ANKRD42: variants seen among roughly 807,000 people sequenced by gnomAD.
ANKRD42 encodes the protein ankyrin repeat domain 42, also known as ankyrin repeat domain-containing protein 42.
In ANKRD42, 43 loss-of-function variants were observed where a neutral mutation model predicts 51.5. That is an observed-to-expected ratio of 0.83 (90% confidence interval 0.65 to 1.08). The LOEUF is 1.08. Ranked by LOEUF, ANKRD42 falls within the 50% of genes least tolerant of loss-of-function variation. ANKRD42 has a pLI of 0.00. For synonymous variants in ANKRD42, 203 were observed against 213.0 expected (o/e 0.95, Z 0.41); for missense variants, 608 against 629.3 (o/e 0.97, Z 0.36).
At chr11:83,222,441 A>G (rs901953569) in intron 5 of ANKRD42, among the ~76,000 whole-genome samples, 26 of 152,178 alleles carry the variant, frequency 1.7e-4, no homozygotes, top group African/African-American at 6.3e-4. Flanking sequence ...AATATATATT[A>G]TATAGGGATA....
intron 5 of ANKRD42, among the ~76,000 whole-genome samples, chr11:83,221,785 A>G (rs778175264): frequency 2.6e-5 from 4 of 151,954 alleles, no homozygotes; most frequent in Non-Finnish European, 5.9e-5. Context: ...CTGAACAGCC[A>G]CTCTGATTTG....
chr11:83,194,834 C>T (rs939525983), intron 1 of ANKRD42, 106 bp downstream of exon 1: 119 of 1,137,092 alleles, frequency 1.0e-4, no homozygotes, highest in Middle Eastern at 4.4e-4. Flanking sequence ...AGCCGTCACT[C>T]CCCCCTTTCC....
At chr11:83,195,196 T>C (rs1170629095) in intron 1 of ANKRD42, among the ~76,000 whole-genome samples, 3 of 152,242 alleles carry the variant, frequency 2.0e-5, no homozygotes, top group Non-Finnish European at 4.4e-5. Flanking sequence ...TCATTTACTG[T>C]GACTTCAGTC....
At chr11:83,209,343 TG>T in intron 3 of ANKRD42, 2 of 1,195,634 alleles carry the variant, frequency 1.7e-6, no homozygotes, top group Non-Finnish European at 2.4e-6. Context: ...TGCGTGCTGC[TG>T]GGAGTTGCTT....
At chr11:83,254,648 T>G (rs1345514794) in intron 11 of ANKRD42, among the ~76,000 whole-genome samples, 1 of 152,066 alleles carries the variant, frequency 6.6e-6, no homozygotes, top group Non-Finnish European at 1.5e-5. Context: ...CTTGAACTCC[T>G]GACCTCAAGT....
downstream of ANKRD42, chr11:83,262,043 T>G (rs1445299921): frequency 5.0e-6 from 5 of 1,004,044 alleles, no homozygotes; most frequent in Non-Finnish European, 7.3e-6. Context: ...AATGTTATCT[T>G]TAAGTGAAGA....
intron 9 of ANKRD42, among the ~76,000 whole-genome samples, chr11:83,245,103 C>G (rs1863503782): frequency 6.6e-6 from 1 of 152,156 alleles, no homozygotes; most frequent in Admixed American, 6.5e-5. Context: ...GGGGTTTCAC[C>G]ATGTTGGCCA....
chr11:83,216,514 C>T (rs367809360), intron 5 of ANKRD42, among the ~76,000 whole-genome samples: 23 of 151,740 alleles, frequency 1.5e-4, no homozygotes, highest in Non-Finnish European at 2.1e-4. Context: ...TTAGTAGAGA[C>T]GGGGTTTCAC....
At chr11:83,219,818 T>G (rs555512672) in intron 5 of ANKRD42, among the ~76,000 whole-genome samples, 1 of 152,346 alleles carries the variant, frequency 6.6e-6, no homozygotes, top group South Asian at 2.1e-4. Context: ...TAAATTGTCC[T>G]GATGTGGGGG....
Position 83,194,443 on chromosome 11 carries a change from G to A in ANKRD42, c.-228G>A. On this transcript the variant is annotated 5_prime_UTR_variant, in exon 1 of 11. Coordinates refer to ENST00000533342, the MANE Select transcript of ANKRD42 (RefSeq NM_001300975.2). The stretch of plus-strand genomic sequence containing the variant: ...CGACTCCTCTGGTGTGAGCGGCAGT[G>A]AAGACGCCAGCTACCGCTTCAGTGG... 1 of 695,454 alleles carries A rather than the reference G, an allele frequency of 1.4e-6. No homozygotes were observed. Among genetic ancestry groups the A allele is most frequent in the Admixed American group, 2.0e-5 (1 of 49,692 alleles). 43.1% of individuals were successfully genotyped at this position (695,454 alleles called of 1,614,324 possible).
chr11:83,231,786 T>C (rs1442335675), intron 7 of ANKRD42, among the ~76,000 whole-genome samples: 1 of 152,192 alleles, frequency 6.6e-6, no homozygotes, highest in African/African-American at 2.4e-5. Flanking sequence ...TCCAGTTTTT[T>C]CCAGCACCAT....
Position 83,245,517 on chromosome 11 carries a change from T to C in ANKRD42, c.1215T>C (p.Ile405=), listed in dbSNP as rs924520463. 2.6e-5 allele frequency: 40 copies of C among 1,536,354 alleles called. No individual in the cohort carries two copies. In the Admixed American group the frequency reaches 7.8e-4, roughly 30 times the overall value. ...TTGCAGTGAGAGCTTACAAGAAAAT[T>C]GTAGAATTGAGACACCTCCTGGAAA... ...TDARMRAYKK[I]VELRHLLEIA... The change falls in exon 10 of 11, where the codon ATT becomes ATC. Residue 405 remains isoleucine, a synonymous_variant. Coordinates refer to ENST00000533342, the MANE Select transcript of ANKRD42 (RefSeq NM_001300975.2).
At chr11:83,255,390 A>C (rs1863751665) in intron 11 of ANKRD42, among the ~76,000 whole-genome samples, 1 of 152,246 alleles carries the variant, frequency 6.6e-6, no homozygotes, top group Non-Finnish European at 1.5e-5. Flanking sequence ...AGAGGGATGC[A>C]GTACAAAAAC....
At chr11:83,204,236 C>CCCAG (rs1861983617) in intron 2 of ANKRD42, among the ~76,000 whole-genome samples, 1 of 152,160 alleles carries the variant, frequency 6.6e-6, no homozygotes. Flanking sequence ...AACCACTGCA[C>CCCAG]CCAGCCGGTC....
chr11:83,229,741 C>G (rs984228394), intron 7 of ANKRD42, among the ~76,000 whole-genome samples: 4 of 152,140 alleles, frequency 2.6e-5, no homozygotes, highest in African/African-American at 9.7e-5. Flanking sequence ...TGAGTCCATC[C>G]ATCAAGGACT....
At chr11:83,201,886 A>G (rs1033794218) in intron 2 of ANKRD42, among the ~76,000 whole-genome samples, 17 of 152,042 alleles carry the variant, frequency 1.1e-4, no homozygotes, top group Non-Finnish European at 2.1e-4. Flanking sequence ...TAGATTCTAG[A>G]TGTTAGCCCT....
downstream of ANKRD42, chr11:83,249,009 G>A (rs1863626507): frequency 3.1e-6 from 3 of 980,658 alleles, no homozygotes; most frequent in East Asian, 2.3e-4. Context: ...CTTCTTGTAC[G>A]ATCTTTAGCA....
Position 83,194,356 on chromosome 11 carries a change from G to A in ANKRD42, c.-315G>A. The A allele has an allele frequency of 1.7e-6, 1 of 587,720 alleles. No individual in the cohort carries two copies. Among genetic ancestry groups the A allele is most frequent in the South Asian group, 1.5e-5 (1 of 65,726 alleles). The allele number at this position is 587,720 out of a possible 1,614,324, so 36.4% of individuals were successfully genotyped here. On this transcript the variant is annotated 5_prime_UTR_variant, in exon 1 of 11. Coordinates refer to ENST00000533342, the MANE Select transcript of ANKRD42 (RefSeq NM_001300975.2). ...CTCCTGGGAGGGAGGGAGTGTCGAA[G>A]GCGGCCACAGCGTTGGTAGTTCTTG... is the stretch of plus-strand genomic sequence containing the variant.
rs773105019 is a variant in ANKRD42 at position 83,194,708 on chromosome 11, C to T, written c.38C>T (p.Ser13Phe). ...GCCAATTCAGGCCCCTCCACTTCCT[C>T]TAGGGAGACTGCAAACCCCTGTGAG... ...GVANSGPSTS[S>F]RETANPCSRK... The change falls in exon 1 of 11, where the codon TCT becomes TTT. Residue 13 changes from serine to phenylalanine, a missense_variant. Physicochemically the swap from Ser to Phe is radical, Grantham distance 155. Transcript: ENST00000533342. The T allele has an allele frequency of 6.2e-7, 1 of 1,605,758 alleles. No homozygotes were observed. The highest frequency in any genetic ancestry group is 1.7e-5 in the Admixed American group (1 of 58,388).
Sources: allele counts gnomAD v4.1 joint callset (sites outside exome capture counted in the v4.1 genomes callset), GRCh38; gene constraint gnomAD v4.1.1; transcripts MANE v1.5; gene names NCBI Gene and HGNC (gene_info 2026-07-23, HGNC 2026-07-21).